MIER1: variants seen among roughly 807,000 people sequenced by gnomAD.
The protein encoded by MIER1 is mesoderm induction early response protein 1.
MIER1 carries 40 observed loss-of-function variants against 75.7 expected under a neutral mutation model. The observed-to-expected ratio is 0.53, with a 90% CI of 0.41 to 0.69. MIER1 has a LOEUF of 0.69. Among genes scored for constraint, MIER1 ranks in the 30% least tolerant of loss-of-function variants. The pLI, the probability that MIER1 is intolerant of heterozygous loss-of-function variation, is 0.00. For missense variants in MIER1, 574 were observed against 680.2 expected (o/e 0.84, Z 1.74); for synonymous variants, 213 against 223.4 (o/e 0.95, Z 0.42).
At chr1:66,937,244 T>A (rs746927071) in intron 2 of MIER1, among the ~76,000 whole-genome samples, 1 of 152,030 alleles carries the variant, frequency 6.6e-6, no homozygotes, top group Non-Finnish European at 1.5e-5. Flanking sequence ...GGGCAGGTAT[T>A]ATTCCTATAT....
Position 66,981,904 on chromosome 1 carries a change from C to T in MIER1, c.1355C>T (p.Thr452Ile). 6.2e-7 allele frequency: 1 copy of T among 1,613,860 alleles called. No homozygotes were observed. The highest frequency in any genetic ancestry group is 8.5e-7 in the Non-Finnish European group (1 of 1,179,858). Residue 452 changes from threonine (T) to isoleucine (I), a missense_variant, in exon 13 of 14, where the codon ACT becomes ATT. By Grantham distance (89) the Thr-to-Ile change is moderately conservative. Around this residue, in one of 3 missense-constraint regions of MIER1, gnomAD observed 164 missense variants for 154.3 expected, o/e 1.06. Coordinates refer to ENST00000401041, the MANE Select transcript of MIER1 (RefSeq NM_001077700.3). ...QSEKEDGTVS[T>I]ANQNGVSSNG... ...GAGAAAGAAGATGGCACTGTAAGCACTGCTAATCAAAATGGTAAGCAACCA... is the reference window on the plus strand; with the variant it reads ...GAGAAAGAAGATGGCACTGTAAGCATTGCTAATCAAAATGGTAAGCAACCA...
Position 66,975,558 on chromosome 1 carries a change from T to C in MIER1, c.1102-1037T>C, listed in dbSNP as rs1390195473. On this transcript the variant is annotated intron_variant, in intron 11 of 13. Coordinates refer to ENST00000401041, the MANE Select transcript of MIER1 (RefSeq NM_001077700.3). ...AAAGAAAAAGAAAGGAAAAAAGTTATCAGTATTTTATTTATATACATCAGC... is the reference window on the plus strand; with the variant it reads ...AAAGAAAAAGAAAGGAAAAAAGTTACCAGTATTTTATTTATATACATCAGC... 3.3e-5 allele frequency among the ~76,000 whole-genome samples: 5 copies of C among 151,906 alleles called. No homozygotes were observed. The East Asian group carries it at 5.8e-4, about 18-fold the overall frequency.
chr1:66,971,820 TTAA>T (rs1365436080), intron 10 of MIER1, 84 bp downstream of exon 10: 5 of 633,466 alleles, frequency 7.9e-6, no homozygotes, highest in Admixed American at 3.0e-5. Context: ...TAGCCTAAAC[TTAA>T]TAATACTGAT....
chr1:66,980,826 C>T (rs1023996216), intron 12 of MIER1, among the ~76,000 whole-genome samples: 2 of 151,714 alleles, frequency 1.3e-5, no homozygotes, highest in African/African-American at 4.8e-5. Flanking sequence ...TTTTCTGTAA[C>T]AGGTAGAGAA....
Position 66,986,207 on chromosome 1 carries a change from A to G in MIER1, c.*1307A>G. ...TTTCAGATTTGATAATGCTTTTCCA[A>G]AGTGAAAATAAGATACACAATAATC... is the stretch of plus-strand genomic sequence containing the variant. On this transcript the variant is annotated 3_prime_UTR_variant, in exon 14 of 14. Transcript: ENST00000401041. The G allele has an allele frequency of 1.7e-5, 21 of 1,253,136 alleles. No homozygotes were observed. Among genetic ancestry groups the G allele is most frequent in the Non-Finnish European group, 2.1e-5 (21 of 999,708 alleles). The allele number at this position is 1,253,136 out of a possible 1,614,324, so 77.6% of individuals were successfully genotyped here.
At chr1:66,935,925 T>G (rs556612021) in intron 2 of MIER1, among the ~76,000 whole-genome samples, 11 of 152,050 alleles carry the variant, frequency 7.2e-5, no homozygotes, top group African/African-American at 1.2e-4. Context: ...TCATTTCTAA[T>G]CAGCTAATGC....
At chr1:66,974,323 C>G (rs1664258852) in intron 11 of MIER1, among the ~76,000 whole-genome samples, 1 of 151,690 alleles carries the variant, frequency 6.6e-6, no homozygotes, top group Non-Finnish European at 1.5e-5. Context: ...AGTTAACATT[C>G]AAGAAAAGGA....
chr1:66,979,340 C>T (rs151149216), intron 12 of MIER1, among the ~76,000 whole-genome samples: 2 of 152,146 alleles, frequency 1.3e-5, no homozygotes, highest in African/African-American at 4.8e-5. Context: ...ATTTTCTCAT[C>T]CTTCTTTTTA....
At chr1:66,980,434 G>C (rs1379762508) in intron 12 of MIER1, among the ~76,000 whole-genome samples, 1 of 152,156 alleles carries the variant, frequency 6.6e-6, no homozygotes, top group Non-Finnish European at 1.5e-5. Flanking sequence ...ACTATTAGAA[G>C]TTTCTTGAAG....
At chr1:66,963,353 A>G (rs1256556045) in intron 8 of MIER1, among the ~76,000 whole-genome samples, 193 bp downstream of exon 8, 4 of 152,206 alleles carry the variant, frequency 2.6e-5, no homozygotes, top group Non-Finnish European at 5.9e-5. Context: ...AGTTTGGTCT[A>G]TAGAAGCCTA....
intron 12 of MIER1, among the ~76,000 whole-genome samples, chr1:66,977,392 G>C: frequency 6.6e-6 from 1 of 152,152 alleles, no homozygotes; most frequent in Non-Finnish European, 1.5e-5. Context: ...TTACAGGAGT[G>C]AGCCACTGTA....
intron 4 of MIER1, among the ~76,000 whole-genome samples, chr1:66,948,758 G>C (rs556693996): frequency 2.6e-5 from 4 of 152,088 alleles, no homozygotes; most frequent in Non-Finnish European, 5.9e-5. Flanking sequence ...GGTTAATTAG[G>C]CATGGTGGCA....
At position 66,985,216 on chromosome 1, in the gene MIER1, A is replaced by G. The variant is rs1303866427; in HGVS notation, c.*316A>G. On this transcript the variant is annotated 3_prime_UTR_variant, in exon 14 of 14. Transcript: ENST00000401041. ...GTAAATCTGAATGAACTAAAGATGT[A>G]TCTGTACCTTCTCATTTGATGTATT... 3 of 970,436 alleles carry G rather than the reference A, an allele frequency of 3.1e-6. 1 individual carries two copies. The East Asian group carries it at 3.0e-4, about 97-fold the overall frequency. 60.1% of individuals were successfully genotyped at this position (970,436 alleles called of 1,614,324 possible). A position where few individuals can be genotyped will look rare whatever the true frequency, so the allele number is the denominator to read the frequency against.
intron 13 of MIER1, 74 bp from the exon 14 acceptor site, chr1:66,984,498 C>A: frequency 9.5e-7 from 1 of 1,050,536 alleles, no homozygotes; most frequent in Non-Finnish European, 1.4e-6. Flanking sequence ...ACAATAACTA[C>A]AAGCTGTTTT....
chr1:66,946,261 C>T lies in MIER1; in HGVS notation c.305C>T (p.Thr102Ile), dbSNP rs1259492129. ...GAGGAAGAAATGATGGAAGGAGAAA[C>T]AAACTTCAGCTCTGAAATAGAAGAT... ...LEEEEMMEGE[T>I]NFSSEIEDLA... Residue 102 changes from threonine to isoleucine, a missense_variant, in exon 4 of 14, where the codon ACA becomes ATA. Physicochemically the swap from Thr to Ile is moderately conservative, Grantham distance 89. Around this residue, in one of 3 missense-constraint regions of MIER1, gnomAD observed 309 missense variants for 352.8 expected, o/e 0.88. Transcript: ENST00000401041. 6.2e-7 allele frequency: 1 copy of T among 1,609,554 alleles called. No individual in the cohort carries two copies.
At chr1:66,952,643 T>G (rs1183413009) in intron 4 of MIER1, among the ~76,000 whole-genome samples, 2 of 152,182 alleles carry the variant, frequency 1.3e-5, no homozygotes, top group Non-Finnish European at 2.9e-5. Flanking sequence ...CTACATGGTT[T>G]ACCTCTTTTT....
chr1:66,930,300 G>A (rs1387168604), intron 2 of MIER1: 12 of 1,563,918 alleles, frequency 7.7e-6, no homozygotes, highest in Non-Finnish European at 8.6e-6. Flanking sequence ...AGACGGCAGC[G>A]GCCGGAGTCC....
chr1:66,930,426 G>C, intron 2 of MIER1: 1 of 1,604,486 alleles, frequency 6.2e-7, no homozygotes, highest in Non-Finnish European at 8.5e-7. Flanking sequence ...CCCCCTCCCT[G>C]TCCCGGAGCC....
chr1:66,933,348 C>G (rs1407500804), intron 2 of MIER1, among the ~76,000 whole-genome samples: 1 of 152,042 alleles, frequency 6.6e-6, no homozygotes, highest in African/African-American at 2.4e-5. Context: ...ACTTTCTTCT[C>G]AAGGAAAAAA....
Sources: allele counts gnomAD v4.1 joint callset (sites outside exome capture counted in the v4.1 genomes callset), GRCh38; gene constraint gnomAD v4.1.1; regional missense constraint gnomAD v4.1.1; transcripts MANE v1.5; gene names NCBI Gene and HGNC (gene_info 2026-07-23, HGNC 2026-07-21).